Variants in MYH15 observed in about 807,000 individuals in gnomAD.
MYH15 encodes the protein myosin heavy chain 15.
In MYH15, 227 loss-of-function variants were observed where a neutral mutation model predicts 240.5. The ratio of observed to expected loss-of-function variants is 0.94; its 90% confidence interval spans 0.85 to 1.05. MYH15 has a LOEUF of 1.05. Among genes scored for constraint, MYH15 ranks in the 50% least tolerant of loss-of-function variants. The pLI is 0.00. For missense variants in MYH15, 2,217 were observed against 2,247.5 expected (o/e 0.99, Z 0.27); for synonymous variants, 785 against 796.7 (o/e 0.99, Z 0.25).
chr3:108,385,471 T>C (rs1378644133), intron 38 of MYH15, among the ~76,000 whole-genome samples: 1 of 152,196 alleles, frequency 6.6e-6, no homozygotes, highest in Non-Finnish European at 1.5e-5. Context: ...AAAGGAAATC[T>C]GGTGGGATAA....
At chr3:108,435,771 TTTTAAG>T (rs148103303) in intron 25 of MYH15, among the ~76,000 whole-genome samples, 12,739 of 148,394 alleles carry the variant, frequency 0.086, 1,256 homozygotes, top group East Asian at 0.52. Flanking sequence ...TTTTTTTCAT[TTTTAAG>T]TTTATTTTTT....
chr3:108,547,101 G>A, the MYH15 span, among the ~76,000 whole-genome samples: 1 of 151,562 alleles, frequency 6.6e-6, no homozygotes, highest in African/African-American at 2.4e-5. Context: ...ATATATGTCT[G>A]AGGTGTAGCG....
At chr3:108,477,590 G>A (rs2083231336) in intron 11 of MYH15, among the ~76,000 whole-genome samples, 1 of 152,154 alleles carries the variant, frequency 6.6e-6, no homozygotes, top group African/African-American at 2.4e-5. Context: ...TTCTATGTAT[G>A]TACTTGTGGA....
chr3:108,520,141 C>T (rs930697047), intron 1 of MYH15, among the ~76,000 whole-genome samples: 1 of 152,148 alleles, frequency 6.6e-6, no homozygotes, highest in Non-Finnish European at 1.5e-5. Context: ...GGGACCAAGA[C>T]TTGTCAATAT....
chr3:108,478,001 G>A (rs991535407), intron 11 of MYH15, among the ~76,000 whole-genome samples: 1 of 151,942 alleles, frequency 6.6e-6, no homozygotes, highest in African/African-American at 2.4e-5. Flanking sequence ...TATTTTAAAG[G>A]AATTTGGAGA....
chr3:108,382,393 AAG>A (rs1399646503), intron 40 of MYH15, among the ~76,000 whole-genome samples: 1 of 152,148 alleles, frequency 6.6e-6, no homozygotes. Context: ...TCTCCTTCAA[AAG>A]AGATGCTTTT....
chr3:108,391,145 C>T (rs60785803), intron 37 of MYH15, among the ~76,000 whole-genome samples: 27,671 of 152,088 alleles, frequency 0.18, 2,697 homozygotes, highest in African/African-American at 0.23. Context: ...CCCTTTTGAA[C>T]AATTGAATCC....
chr3:108,463,373 G>A, intron 15 of MYH15, 130 bp from the exon 16 acceptor site: 1 of 991,162 alleles, frequency 1.0e-6, no homozygotes, highest in Non-Finnish European at 1.5e-6. Context: ...AGAATGCAGT[G>A]GCATAGTCAC....
chr3:108,535,859 G>A, the MYH15 span, among the ~76,000 whole-genome samples: 2 of 152,106 alleles, frequency 1.3e-5, no homozygotes, highest in African/African-American at 4.8e-5. Context: ...ATGAGTATTC[G>A]CTAAACAAGA....
At chr3:108,393,901 A>C in intron 36 of MYH15, 130 bp downstream of exon 36, 1 of 1,361,220 alleles carries the variant, frequency 7.3e-7, no homozygotes. Context: ...CAGAGAGGTC[A>C]GACTAACCTC....
At chr3:108,487,962 A>G (rs2083318569) in intron 9 of MYH15, among the ~76,000 whole-genome samples, 1 of 152,136 alleles carries the variant, frequency 6.6e-6, no homozygotes, top group African/African-American at 2.4e-5. Context: ...TAAATTGACA[A>G]TTTAAAATTG....
intron 12 of MYH15, among the ~76,000 whole-genome samples, chr3:108,475,914 T>G (rs1461109103): frequency 2.0e-5 from 3 of 152,186 alleles, no homozygotes; most frequent in Non-Finnish European, 4.4e-5. Context: ...TGGCGTTCCA[T>G]CTCTCATTTC....
chr3:108,403,883 G>T (rs1356478889), intron 33 of MYH15, among the ~76,000 whole-genome samples: 1 of 151,950 alleles, frequency 6.6e-6, no homozygotes, highest in East Asian at 1.9e-4. Context: ...ACGACATTCA[G>T]ATGTAGCTGA....
upstream of MYH15, among the ~76,000 whole-genome samples, chr3:108,514,614 A>T (rs1384447738): frequency 6.6e-6 from 1 of 151,992 alleles, no homozygotes; most frequent in Non-Finnish European, 1.5e-5. Flanking sequence ...ATCTGTAGAG[A>T]GAAATTTTCA....
intron 1 of MYH15, among the ~76,000 whole-genome samples, chr3:108,515,830 G>C (rs1440792848): frequency 6.6e-6 from 1 of 152,162 alleles, no homozygotes; most frequent in African/African-American, 2.4e-5. Flanking sequence ...TCATAATGGA[G>C]GATGGTACCA....
intron 6 of MYH15, among the ~76,000 whole-genome samples, chr3:108,496,243 T>C (rs1452822206): frequency 6.6e-6 from 1 of 152,246 alleles, no homozygotes; most frequent in Non-Finnish European, 1.5e-5. Flanking sequence ...TCTCTTCCCA[T>C]CCGATCTTTG....
chr3:108,488,765 C>T (rs1427324785), intron 9 of MYH15, among the ~76,000 whole-genome samples: 1 of 152,190 alleles, frequency 6.6e-6, no homozygotes, highest in African/African-American at 2.4e-5. Flanking sequence ...GATACCTCTT[C>T]AGGATACTGA....
At chr3:108,408,176 A>G in intron 32 of MYH15, 104 bp downstream of exon 32, 1 of 1,321,904 alleles carries the variant, frequency 7.6e-7, no homozygotes, top group Non-Finnish European at 1.0e-6. Flanking sequence ...TATAGTAAAT[A>G]AACATTTGAA....
chr3:108,408,258 C>T (rs1192771694), intron 32 of MYH15, 22 bp downstream of exon 32: 1 of 1,597,316 alleles, frequency 6.3e-7, no homozygotes, highest in African/African-American at 1.4e-5. Flanking sequence ...TGAAAACTTT[C>T]TTTTCTCCCT....
Sources: gnomAD v4.1 joint callset for allele counts (sites outside exome capture counted in the v4.1 genomes callset) on GRCh38, gnomAD v4.1.1 for gene constraint, MANE v1.5 for transcripts, NCBI Gene and HGNC (gene_info 2026-07-23, HGNC 2026-07-21) for gene names.